Variants in C5orf34 observed in about 807,000 individuals in gnomAD.
C5orf34 encodes uncharacterized protein C5orf34.
In C5orf34, 73 loss-of-function variants were observed where a neutral mutation model predicts 78.4. The ratio of observed to expected loss-of-function variants is 0.93; its 90% CI spans 0.77 to 1.13. The LOEUF is 1.13. Among genes scored for constraint, C5orf34 ranks in the 50% most tolerant of loss-of-function variants. The pLI, the probability that C5orf34 is intolerant of heterozygous loss-of-function variation, is 0.00. For synonymous variants in C5orf34, 251 were observed against 246.6 expected, an observed-to-expected ratio of 1.02 and a Z score of -0.17; for missense variants, 730 against 732.7, an observed-to-expected ratio of 1.00 and a Z score of 0.04.
Position 43,492,982 on chromosome 5 carries a change from C to T in C5orf34, c.1315-92G>A, listed in dbSNP as rs1745348750. The T allele has an allele frequency of 4.1e-6, 3 of 736,208 alleles. No individual in the cohort carries two copies. In the Admixed American group the frequency reaches 9.0e-5, roughly 22 times the overall value. 45.6% of individuals were successfully genotyped at this position (736,208 alleles called of 1,614,324 possible). A position where few individuals can be genotyped will look rare whatever the true frequency, so the allele number is the denominator to read the frequency against. On this transcript the variant is annotated intron_variant, in intron 8 of 12. Coordinates refer to ENST00000306862, the MANE Select transcript of C5orf34 (RefSeq NM_198566.4). Reference sequence around the variant, plus strand: ...AATGACTCTAGGGCAATTTTGGATACTTATTCAGAAGTCAAATATTATAAA... The same window carrying T: ...AATGACTCTAGGGCAATTTTGGATATTTATTCAGAAGTCAAATATTATAAA...
chr5:43,498,087 T>C (rs967669932), intron 6 of C5orf34, among the ~76,000 whole-genome samples: 7 of 152,236 alleles, frequency 4.6e-5, no homozygotes, highest in Non-Finnish European at 2.9e-5. Context: ...TTGGTCTTAA[T>C]TACAACTTCA....
At chr5:43,496,822 G>A (rs892117926) in intron 6 of C5orf34, among the ~76,000 whole-genome samples, 4 of 152,006 alleles carry the variant, frequency 2.6e-5, no homozygotes, top group Admixed American at 1.3e-4. Context: ...CTGGGCTCAA[G>A]GGATCCCAAA....
Position 43,510,541 on chromosome 5 carries a change from T to C in C5orf34, c.-36-1166A>G, listed in dbSNP as rs568239125. On this transcript the variant is annotated intron_variant, in intron 1 of 12. Transcript: ENST00000306862. ...ATCTCGGCTCACTGCAACCTCCCTG[T>C]CTGATTCTCCTGCCTCAGCCTGCCC... Among the ~76,000 whole-genome samples, 6 of 152,334 alleles carry C rather than the reference T, an allele frequency of 3.9e-5. No individual in the cohort carries two copies. The East Asian group carries it at 5.8e-4, about 15-fold the overall frequency.
rs1745445172 is a variant in C5orf34, at chr5:43,495,091, T to C, written c.1153-490A>G. On this transcript the variant is annotated intron_variant, in intron 6 of 12. Coordinates refer to ENST00000306862, the MANE Select transcript of C5orf34 (RefSeq NM_198566.4). ...ATAATATTCATTTAGCCTTCTGAGC[T>C]GTCTGGGCAGACTTCGTGACCTTGC... 37 of 1,518,678 alleles carry C rather than the reference T, an allele frequency of 2.4e-5. 2 individuals carry two copies. In the South Asian group the frequency reaches 3.9e-4, roughly 16 times the overall value. 94.1% of individuals were successfully genotyped at this position (1,518,678 alleles called of 1,614,324 possible).
chr5:43,487,332 G>A (rs969869853), intron 12 of C5orf34, among the ~76,000 whole-genome samples: 1 of 152,108 alleles, frequency 6.6e-6, no homozygotes, highest in Non-Finnish European at 1.5e-5. Context: ...GTGTATGTGT[G>A]TGTTTGGGTG....
intron 11 of C5orf34, chr5:43,490,297 C>A: frequency 5.6e-6 from 1 of 177,604 alleles, no homozygotes; most frequent in Non-Finnish European, 1.2e-5. Flanking sequence ...TTTCCTTCAA[C>A]ATTACTAAAA....
chr5:43,488,873 C>T (rs956226918), intron 11 of C5orf34, among the ~76,000 whole-genome samples: 9 of 152,074 alleles, frequency 5.9e-5, no homozygotes, highest in African/African-American at 1.7e-4. Flanking sequence ...ATTCAAGTCA[C>T]CAGAAAAATC....
In C5orf34 at chr5:43,505,711, T is replaced by C. The variant is rs557959864; in HGVS notation, c.932+37A>G. The C allele has an allele frequency of 1.8e-5, 27 of 1,504,050 alleles. 1 individual carries two copies. In the South Asian group the frequency reaches 3.1e-4, roughly 17 times the overall value. 93.2% of individuals were successfully genotyped at this position (1,504,050 alleles called of 1,614,324 possible). A position where few individuals can be genotyped will look rare whatever the true frequency, so the allele number is the denominator to read the frequency against. On this transcript the variant is annotated intron_variant, in intron 4 of 12. Transcript: ENST00000306862. Reference sequence around the variant, plus strand: ...TTATCCAGGTTAAGACTGGTTCTGATAAAAAGCTTCATGACCAATAGCCAT... The same window carrying C: ...TTATCCAGGTTAAGACTGGTTCTGACAAAAAGCTTCATGACCAATAGCCAT...
At chr5:43,507,597 A>G (rs955803640) in intron 3 of C5orf34, among the ~76,000 whole-genome samples, 3 of 152,228 alleles carry the variant, frequency 2.0e-5, no homozygotes, top group Non-Finnish European at 4.4e-5. Flanking sequence ...CTCCTTTGCC[A>G]CGAGACAATA....
intron 9 of C5orf34, 66 bp downstream of exon 9, chr5:43,492,654 G>T: frequency 1.5e-6 from 2 of 1,355,838 alleles, no homozygotes; most frequent in Non-Finnish European, 2.1e-6. Flanking sequence ...GTGGTACTTT[G>T]TTTTCTTTGT....
chr5:43,497,570 C>T (rs1446142020), intron 6 of C5orf34, among the ~76,000 whole-genome samples: 2 of 152,238 alleles, frequency 1.3e-5, no homozygotes, highest in East Asian at 3.9e-4. Context: ...CTCTTACCAA[C>T]TATAATGATG....
intron 11 of C5orf34, among the ~76,000 whole-genome samples, chr5:43,490,154 C>T (rs988861371): frequency 6.6e-6 from 1 of 152,148 alleles, no homozygotes; most frequent in Admixed American, 6.5e-5. Flanking sequence ...ACCCTGCACA[C>T]TGAAAAGCAC....
intron 3 of C5orf34, among the ~76,000 whole-genome samples, chr5:43,506,933 G>A (rs772030744): frequency 2.8e-4 from 43 of 152,002 alleles, no homozygotes; most frequent in Admixed American, 5.9e-4. Flanking sequence ...ATTTACATGA[G>A]ATAACATAAG....
intron 9 of C5orf34, 136 bp downstream of exon 9, chr5:43,492,584 C>T: frequency 1.3e-6 from 1 of 757,994 alleles, no homozygotes; most frequent in Admixed American, 3.0e-5. Context: ...CTAGGAAATC[C>T]AAAGAGATCA....
chr5:43,510,870 G>A (rs1188160107), intron 1 of C5orf34, among the ~76,000 whole-genome samples: 1 of 152,222 alleles, frequency 6.6e-6, no homozygotes, highest in Non-Finnish European at 1.5e-5. Flanking sequence ...CACCCCATCT[G>A]GGAAGTGAGG....
intron 12 of C5orf34, 96 bp downstream of exon 12, chr5:43,487,813 G>A: frequency 1.1e-6 from 1 of 879,178 alleles, no homozygotes. Context: ...AATATATTAA[G>A]TATAGATTAA....
At chr5:43,493,398 G>A in intron 8 of C5orf34, 145 bp downstream of exon 8, 1 of 579,148 alleles carries the variant, frequency 1.7e-6, no homozygotes, top group Non-Finnish European at 3.1e-6. Context: ...TTGTCTACTA[G>A]GTAGGTATTT....
intron 6 of C5orf34, chr5:43,496,056 C>T (rs1004779728): frequency 3.2e-6 from 5 of 1,583,292 alleles, no homozygotes; most frequent in Non-Finnish European, 3.4e-6. Flanking sequence ...AGGGCATGCT[C>T]TCAGGTCTGC....
At chr5:43,506,698 G>C (rs564071253) in intron 3 of C5orf34, among the ~76,000 whole-genome samples, 3 of 151,856 alleles carry the variant, frequency 2.0e-5, no homozygotes, top group African/African-American at 7.2e-5. Flanking sequence ...AAACAGATTT[G>C]TATCCCTCCC....
Sources: allele counts gnomAD v4.1 joint callset (sites outside exome capture counted in the v4.1 genomes callset), GRCh38; gene constraint gnomAD v4.1.1; transcripts MANE v1.5; gene names NCBI Gene and HGNC (gene_info 2026-07-23, HGNC 2026-07-21).